The following MALRD1 variants were observed in gnomAD, a reference collection of about 807,000 sequenced individuals.
MALRD1 encodes the protein MAM and LDL-receptor class A domain-containing protein 1.
A neutral mutation model predicts 242.1 loss-of-function variants in MALRD1; 247 were observed. The ratio of observed to expected loss-of-function variants is 1.02; its 90% CI spans 0.92 to 1.13. MALRD1 has a LOEUF of 1.13. MALRD1 is among the 50% of genes most tolerant of loss of function. MALRD1 has a pLI of 0.00. For missense variants in MALRD1, 2,989 were observed against 2,533.1 expected, an observed-to-expected ratio of 1.18 and a Z score of -3.86; for synonymous variants, 995 against 866.6, an observed-to-expected ratio of 1.15 and a Z score of -2.60.
intron 21 of MALRD1, among the ~76,000 whole-genome samples, chr10:19,306,125 A>C (rs1564546900): frequency 3.6e-5 from 3 of 82,514 alleles, no homozygotes; most frequent in African/African-American, 5.9e-5. Flanking sequence ...ACTATCTAGT[A>C]TATATAGTAT....
chr10:19,163,205 A>AATGGTCAT (rs1189073382), intron 12 of MALRD1, among the ~76,000 whole-genome samples: 2 of 146,898 alleles, frequency 1.4e-5, no homozygotes, highest in Admixed American at 6.8e-5. Flanking sequence ...CATGTATGTG[A>AATGGTCAT]ATGGTCATTG....
rs376375813 is a variant in MALRD1 at position 19,238,503 on chromosome 10, A to ACATT, written c.2992-19181_2992-19180insCATT. 8.9e-3 allele frequency among the ~76,000 whole-genome samples: 376 copies of ACATT among 42,172 alleles called. 56 individuals carry two copies. Among genetic ancestry groups the ACATT allele is most frequent in the African/African-American group, 0.035 (284 of 8,084 alleles). The allele number at this position is 42,172 out of a possible 152,430, so 27.7% of individuals were successfully genotyped here. Reference sequence around the variant, plus strand: ...ATACATTATATATAATATATAATATAATATATAATGTATATTATATATAAT... The same window carrying ACATT: ...ATACATTATATATAATATATAATATACATTATATATAATGTATATTATATATAAT... On this transcript the variant is annotated intron_variant, in intron 18 of 39. Coordinates refer to ENST00000454679, the MANE Select transcript of MALRD1 (RefSeq NM_001142308.3).
intron 33 of MALRD1, among the ~76,000 whole-genome samples, chr10:19,569,513 T>C (rs1164843939): frequency 6.6e-6 from 1 of 151,526 alleles, no homozygotes; most frequent in Non-Finnish European, 1.5e-5. Context: ...TGAATATATA[T>C]TTTTAGAACA....
At chr10:19,466,334 TC>T (rs1489267745) in intron 29 of MALRD1, among the ~76,000 whole-genome samples, 1 of 152,188 alleles carries the variant, frequency 6.6e-6, no homozygotes, top group Non-Finnish European at 1.5e-5. Context: ...TTTAATTTAG[TC>T]TGGATTTTCT....
intron 32 of MALRD1, among the ~76,000 whole-genome samples, chr10:19,554,496 G>T (rs749008718): frequency 6.6e-6 from 1 of 152,050 alleles, no homozygotes; most frequent in Non-Finnish European, 1.5e-5. Flanking sequence ...TATAACCTAA[G>T]TATCAAGCCC....
intron 28 of MALRD1, among the ~76,000 whole-genome samples, chr10:19,397,342 G>GGTA (rs1846628527): frequency 6.6e-6 from 1 of 152,040 alleles, no homozygotes; most frequent in African/African-American, 2.4e-5. Context: ...ATCATGAGGT[G>GGTA]TCTTTCTGTA....
At chr10:19,702,105 A>G (rs1261822022) in intron 38 of MALRD1, among the ~76,000 whole-genome samples, 1 of 152,190 alleles carries the variant, frequency 6.6e-6, no homozygotes, top group Admixed American at 6.5e-5. Flanking sequence ...TATTATATTT[A>G]AAGCACGTCT....
intron 24 of MALRD1, 32 bp downstream of exon 24, chr10:19,331,614 G>A: frequency 6.6e-7 from 1 of 1,515,366 alleles, no homozygotes; most frequent in Non-Finnish European, 9.0e-7. Context: ...TCTTACTTTT[G>A]CCTTCAACTC....
intron 4 of MALRD1, among the ~76,000 whole-genome samples, chr10:19,098,742 C>T (rs1291514774): frequency 6.6e-6 from 1 of 152,068 alleles, no homozygotes; most frequent in South Asian, 2.1e-4. Context: ...AAATCAAAGA[C>T]GTGAACATAC....
intron 36 of MALRD1, among the ~76,000 whole-genome samples, chr10:19,673,485 A>G (rs928086612): frequency 2.0e-5 from 3 of 152,196 alleles, no homozygotes; most frequent in African/African-American, 4.8e-5. Context: ...GCAGCACCAT[A>G]TACTCTTATA....
intron 26 of MALRD1, among the ~76,000 whole-genome samples, chr10:19,381,588 G>A (rs1472301533): frequency 6.6e-6 from 1 of 151,774 alleles, no homozygotes; most frequent in Non-Finnish European, 1.5e-5. Context: ...AGCACAACGG[G>A]AGGCCAAGGT....
chr10:19,680,235 G>A (rs192376797), intron 36 of MALRD1, among the ~76,000 whole-genome samples: 17 of 152,182 alleles, frequency 1.1e-4, no homozygotes, highest in Admixed American at 7.2e-4. Flanking sequence ...ATTGACAGTT[G>A]GGTGTTAAAG....
Position 19,204,398 on chromosome 10 carries a change from G to T in MALRD1, c.2195G>T (p.Cys732Phe), listed in dbSNP as rs1227622097. 5 of 1,544,722 alleles carry T rather than the reference G, an allele frequency of 3.2e-6. No individual in the cohort carries two copies. In the Admixed American group the frequency reaches 9.9e-5, roughly 31 times the overall value. ...ACTTTCAGCCAGACAGGACCTGGATGCATACTTTCCTTCTGGTAAATATTA... is the reference window on the plus strand; with the variant it reads ...ACTTTCAGCCAGACAGGACCTGGATTCATACTTTCCTTCTGGTAAATATTA... Reference protein sequence around the residue: ...SPTFSQTGPGCILSFWFYNYG... With the variant: ...SPTFSQTGPGFILSFWFYNYG... Residue 732 changes from cysteine to phenylalanine, a missense_variant, in exon 16 of 40, where the codon TGC becomes TTC. Physicochemically the swap from Cys to Phe is radical, Grantham distance 205. Transcript: ENST00000454679.
chr10:19,695,693 A>T (rs1031378655), intron 38 of MALRD1, among the ~76,000 whole-genome samples: 2 of 151,304 alleles, frequency 1.3e-5, no homozygotes, highest in Non-Finnish European at 3.0e-5. Context: ...CTAATTTTTT[A>T]TTTTTTATTT....
intron 38 of MALRD1, chr10:19,730,437 C>G: frequency 2.1e-6 from 1 of 471,780 alleles, no homozygotes; most frequent in East Asian, 4.2e-5. Context: ...TTAAGACTAA[C>G]TTTTGCAATT....
At chr10:19,096,109 A>C (rs532890031) in intron 4 of MALRD1, among the ~76,000 whole-genome samples, 1 of 152,258 alleles carries the variant, frequency 6.6e-6, no homozygotes, top group East Asian at 1.9e-4. Flanking sequence ...TCTCTATAAG[A>C]AGCATAAGAT....
intron 4 of MALRD1, among the ~76,000 whole-genome samples, chr10:19,094,565 G>C (rs368900539): frequency 6.6e-6 from 1 of 151,708 alleles, no homozygotes; most frequent in South Asian, 2.1e-4. Context: ...CGTCGCTCAC[G>C]CTGGGAGCTG....
At chr10:19,107,619 C>T (rs1193543566) in intron 5 of MALRD1, among the ~76,000 whole-genome samples, 1 of 148,886 alleles carries the variant, frequency 6.7e-6, no homozygotes, top group East Asian at 2.0e-4. Flanking sequence ...AAATTTAATC[C>T]ATTTACATTT....
At chr10:19,689,909 ATAGATT>A (rs1842749797) in intron 36 of MALRD1, among the ~76,000 whole-genome samples, 1 of 152,106 alleles carries the variant, frequency 6.6e-6, no homozygotes, top group Non-Finnish European at 1.5e-5. Context: ...TTTTGGAATC[ATAGATT>A]TCACCATATA....
Sources: allele counts gnomAD v4.1 joint callset (sites outside exome capture counted in the v4.1 genomes callset), GRCh38; gene constraint gnomAD v4.1.1; transcripts MANE v1.5; gene names NCBI Gene and HGNC (gene_info 2026-07-23, HGNC 2026-07-21).